ZNF385D: variants seen among roughly 807,000 people sequenced by gnomAD.
ZNF385D encodes zinc finger protein 659.
In ZNF385D, 15 loss-of-function variants were observed where a neutral mutation model predicts 35.8. That is an observed-to-expected ratio of 0.42 (90% CI 0.28 to 0.64). ZNF385D has a LOEUF of 0.64. Ranked by LOEUF, ZNF385D falls within the 30% of genes least tolerant of loss-of-function variation. ZNF385D has a pLI of 0.23. For missense variants in ZNF385D, 474 were observed against 494.6 expected, an observed-to-expected ratio of 0.96 and a Z score of 0.39; for synonymous variants, 212 against 186.8, an observed-to-expected ratio of 1.13 and a Z score of -1.10.
chr3:21,919,859 T>C (rs150641907), intron 3 of ZNF385D, among the ~76,000 whole-genome samples: 16 of 152,324 alleles, frequency 1.1e-4, no homozygotes, highest in African/African-American at 1.7e-4. Flanking sequence ...CTGAATAACT[T>C]TGAATAACTC....
At chr3:21,841,858 C>CT (rs200928644) in intron 3 of ZNF385D, among the ~76,000 whole-genome samples, 1 of 151,450 alleles carries the variant, frequency 6.6e-6, no homozygotes, top group Non-Finnish European at 1.5e-5. Context: ...TGCCTTTATA[C>CT]TTTTTTTGTT....
At chr3:22,238,465 C>T (rs953013058) in intron 2 of ZNF385D, among the ~76,000 whole-genome samples, 8 of 150,738 alleles carry the variant, frequency 5.3e-5, no homozygotes, top group African/African-American at 2.0e-4. Flanking sequence ...GTTCCACTTA[C>T]TTAGGATTTT....
intron 3 of ZNF385D, among the ~76,000 whole-genome samples, chr3:21,538,117 C>A (rs1283464786): frequency 1.3e-5 from 2 of 151,858 alleles, no homozygotes; most frequent in Non-Finnish European, 2.9e-5. Flanking sequence ...GATGGAGTTG[C>A]CATCATAAGA....
chr3:22,131,306 T>G (rs867716834), intron 3 of ZNF385D, among the ~76,000 whole-genome samples: 2 of 151,958 alleles, frequency 1.3e-5, no homozygotes, highest in Non-Finnish European at 2.9e-5. Context: ...AAGTCATTGG[T>G]GACCTTAAAA....
intron 1 of ZNF385D, among the ~76,000 whole-genome samples, chr3:21,722,234 C>T (rs2068573426): frequency 6.6e-6 from 1 of 152,158 alleles, no homozygotes; most frequent in Non-Finnish European, 1.5e-5. Context: ...ACCTGCTTTA[C>T]AATAGCATTT....
chr3:22,231,268 A>G (rs1333539682), intron 2 of ZNF385D, among the ~76,000 whole-genome samples: 2 of 152,216 alleles, frequency 1.3e-5, no homozygotes, highest in Admixed American at 6.5e-5. Flanking sequence ...ACCAAGGGCC[A>G]CTGACTCACT....
At chr3:21,835,717 G>A (rs1417001663) in intron 3 of ZNF385D, among the ~76,000 whole-genome samples, 1 of 151,928 alleles carries the variant, frequency 6.6e-6, no homozygotes, top group Non-Finnish European at 1.5e-5. Flanking sequence ...GTATTGTTAT[G>A]GGGAAAGATG....
At chr3:21,971,733 TAA>T in intron 3 of ZNF385D, among the ~76,000 whole-genome samples, 2 of 150,080 alleles carry the variant, frequency 1.3e-5, no homozygotes, top group East Asian at 3.9e-4. Context: ...ATTTCACCTA[TAA>T]AGATACATAT....
intron 3 of ZNF385D, among the ~76,000 whole-genome samples, chr3:22,166,621 C>G (rs938955853): frequency 6.6e-6 from 1 of 152,130 alleles, no homozygotes; most frequent in Non-Finnish European, 1.5e-5. Flanking sequence ...GTATATAAAG[C>G]CTTTAATAAA....
intron 3 of ZNF385D, among the ~76,000 whole-genome samples, chr3:21,760,252 G>A (rs576520240): frequency 2.0e-5 from 3 of 152,236 alleles, no homozygotes; most frequent in South Asian, 2.1e-4. Flanking sequence ...TCGCCACCAC[G>A]AATACCATTT....
At chr3:22,153,464 C>CTTTTTTT (rs769926281) in intron 3 of ZNF385D, among the ~76,000 whole-genome samples, 6 of 109,322 alleles carry the variant, frequency 5.5e-5, no homozygotes, top group Non-Finnish European at 7.3e-5. Flanking sequence ...TGAAATTCTT[C>CTTTTTTT]TTTTTTTTTT....
At chr3:22,227,228 T>G (rs915696697) in intron 2 of ZNF385D, among the ~76,000 whole-genome samples, 1 of 152,156 alleles carries the variant, frequency 6.6e-6, no homozygotes, top group Non-Finnish European at 1.5e-5. Context: ...TCCTAGTTCC[T>G]AACTCCCATA....
intron 2 of ZNF385D, among the ~76,000 whole-genome samples, chr3:21,567,124 G>A (rs1433490357): frequency 6.6e-6 from 1 of 150,990 alleles, no homozygotes; most frequent in African/African-American, 2.4e-5. Flanking sequence ...TTATCCATTT[G>A]CCATCGATGA....
intron 3 of ZNF385D, among the ~76,000 whole-genome samples, chr3:21,817,806 C>A (rs950804289): frequency 3.3e-5 from 5 of 152,134 alleles, no homozygotes; most frequent in Non-Finnish European, 7.3e-5. Flanking sequence ...CCATTTGACC[C>A]AGCCATCCCA....
chr3:21,666,208 G>A (rs539414647), intron 1 of ZNF385D, among the ~76,000 whole-genome samples: 14 of 152,292 alleles, frequency 9.2e-5, no homozygotes, highest in East Asian at 5.8e-4. Context: ...TTACCAGAGC[G>A]CAAAATTAAC....
intron 3 of ZNF385D, among the ~76,000 whole-genome samples, chr3:21,560,521 G>A (rs1191032042): frequency 1.3e-5 from 2 of 152,206 alleles, no homozygotes; most frequent in African/African-American, 4.8e-5. Flanking sequence ...TGGAAGCTTT[G>A]TCCCAGAGGG....
At chr3:21,726,377 G>A (rs926102690) in intron 1 of ZNF385D, among the ~76,000 whole-genome samples, 2 of 152,136 alleles carry the variant, frequency 1.3e-5, no homozygotes, top group South Asian at 4.1e-4. Flanking sequence ...AGGTAAAGAA[G>A]AAGTCAAATT....
At chr3:22,225,043 T>C (rs759923590) in intron 2 of ZNF385D, among the ~76,000 whole-genome samples, 3 of 152,218 alleles carry the variant, frequency 2.0e-5, no homozygotes, top group Non-Finnish European at 4.4e-5. Context: ...TCTAATTATA[T>C]TAACAATGCA....
intron 3 of ZNF385D, among the ~76,000 whole-genome samples, chr3:22,157,314 C>A (rs994939679): frequency 4.6e-5 from 7 of 152,064 alleles, no homozygotes; most frequent in Non-Finnish European, 1.0e-4. Flanking sequence ...AAATCTAGAA[C>A]AATGTAAATG....
Sources: allele counts gnomAD v4.1 joint callset (sites outside exome capture counted in the v4.1 genomes callset), GRCh38; gene constraint gnomAD v4.1.1; transcripts MANE v1.5; gene names NCBI Gene and HGNC (gene_info 2026-07-23, HGNC 2026-07-21).